The following BICD1 variants were observed in gnomAD, a reference collection of about 807,000 sequenced individuals.
BICD1 encodes the protein BICD cargo adaptor 1, also known as protein bicaudal D homolog 1.
A neutral mutation model predicts 92.5 loss-of-function variants in BICD1; 35 were observed. The observed-to-expected ratio is 0.38, with a 90% CI of 0.29 to 0.50. The LOEUF (loss-of-function observed/expected upper bound fraction) is 0.50. BICD1 is among the 20% of genes least tolerant of loss of function. The pLI is 0.93. For missense variants in BICD1, 950 were observed against 1,189.8 expected (o/e 0.80, Z 2.97); for synonymous variants, 429 against 465.1 (o/e 0.92, Z 1.00).
rs573152708 is a variant in BICD1 at position 32,165,315 on chromosome 12, A to C, written c.214-50932A>C. 2.9e-3 allele frequency among the ~76,000 whole-genome samples: 444 copies of C among 152,206 alleles called. 1 individual carries two copies. Among genetic ancestry groups the C allele is most frequent in the Middle Eastern group, 0.01 (3 of 294 alleles). ...CGGATCACGAGGTCAGGAGATTGAG[A>C]CCATCCTGGCTAACACGGTGAAACA... On this transcript the variant is annotated intron_variant, in intron 1 of 9. Coordinates refer to ENST00000652176, the MANE Select transcript of BICD1 (RefSeq NM_001714.4).
At chr12:32,205,798 G>C (rs994897836) in intron 1 of BICD1, among the ~76,000 whole-genome samples, 1 of 151,008 alleles carries the variant, frequency 6.6e-6, no homozygotes, top group Non-Finnish European at 1.5e-5. Flanking sequence ...ACTCTCTAAA[G>C]TATTTTCTCA....
At chr12:32,164,592 T>C (rs1420844468) in intron 1 of BICD1, among the ~76,000 whole-genome samples, 2 of 152,216 alleles carry the variant, frequency 1.3e-5, no homozygotes, top group Non-Finnish European at 2.9e-5. Context: ...AACTTTATGG[T>C]ATTTGTTATG....
At chr12:32,277,788 G>A (rs756161953) in intron 2 of BICD1, among the ~76,000 whole-genome samples, 8 of 151,966 alleles carry the variant, frequency 5.3e-5, no homozygotes, top group Admixed American at 2.6e-4. Context: ...CTTTCCTTTC[G>A]GATGATGCTC....
At chr12:32,118,633 G>A (rs1204423625) in intron 1 of BICD1, among the ~76,000 whole-genome samples, 1 of 152,176 alleles carries the variant, frequency 6.6e-6, no homozygotes, top group Non-Finnish European at 1.5e-5. Context: ...GAGGATGTGT[G>A]TAGGTTACAT....
intron 2 of BICD1, among the ~76,000 whole-genome samples, chr12:32,223,411 G>A (rs545364595): frequency 4.6e-5 from 7 of 152,110 alleles, no homozygotes; most frequent in African/African-American, 1.2e-4. Flanking sequence ...CCAGCTACTC[G>A]GGAGGCTGAG....
chr12:32,248,482 AAAG>A (rs2136099269), intron 2 of BICD1, among the ~76,000 whole-genome samples: 1 of 152,320 alleles, frequency 6.6e-6, no homozygotes, highest in African/African-American at 2.4e-5. Flanking sequence ...GATGATCCTT[AAAG>A]AAGGAGAAAT....
Position 32,257,529 on chromosome 12 carries a change from T to G in BICD1, c.427-36465T>G, listed in dbSNP as rs976115508. Among the ~76,000 whole-genome samples, 5 of 152,238 alleles carry G rather than the reference T, an allele frequency of 3.3e-5. No individual in the cohort carries two copies. In the East Asian group the frequency reaches 7.7e-4, roughly 24 times the overall value. On this transcript the variant is annotated intron_variant, in intron 2 of 9. Transcript: ENST00000652176. ...GGTAGTCAACAGGAACTCTCAAACA[T>G]TGAGAGTAGGCATGTAATTTGGTAC... is the stretch of plus-strand genomic sequence containing the variant.
At chr12:32,124,122 T>C (rs1183638762) in intron 1 of BICD1, among the ~76,000 whole-genome samples, 4 of 152,214 alleles carry the variant, frequency 2.6e-5, no homozygotes, top group African/African-American at 9.6e-5. Flanking sequence ...CTCAACATTG[T>C]ATTACTGGTT....
chr12:32,283,471 G>A (rs1276203571), intron 2 of BICD1, among the ~76,000 whole-genome samples: 1 of 152,122 alleles, frequency 6.6e-6, no homozygotes, highest in Non-Finnish European at 1.5e-5. Flanking sequence ...CCTCAGCTAT[G>A]AGCATGCATA....
intron 1 of BICD1, among the ~76,000 whole-genome samples, chr12:32,186,734 AT>A (rs550997552): frequency 6.6e-4 from 100 of 152,206 alleles, no homozygotes; most frequent in African/African-American, 2.0e-3. Context: ...TCATTTCTGA[AT>A]TTTTTTCATC....
chr12:32,272,915 A>G (rs1356393790), intron 2 of BICD1, among the ~76,000 whole-genome samples: 1 of 152,218 alleles, frequency 6.6e-6, no homozygotes, highest in African/African-American at 2.4e-5. Flanking sequence ...GTATAAAAGA[A>G]AGAAAAGAAA....
intron 2 of BICD1, among the ~76,000 whole-genome samples, chr12:32,224,218 T>C (rs1300371655): frequency 6.6e-6 from 1 of 151,826 alleles, no homozygotes; most frequent in African/African-American, 2.4e-5. Flanking sequence ...TGTTCCTGTC[T>C]CTCTTCTCCT....
chr12:32,365,101 G>A (rs894525786), intron 8 of BICD1, among the ~76,000 whole-genome samples: 1 of 152,180 alleles, frequency 6.6e-6, no homozygotes, highest in Admixed American at 6.5e-5. Context: ...GCTGGGCGTG[G>A]TGGCGCACGC....
At position 32,329,931 on chromosome 12, in the gene BICD1, ATGT is replaced by A. The variant is rs551696161; in HGVS notation, c.2100+1379_2100+1381del. The stretch of plus-strand genomic sequence containing the variant: ...CATATTTGAGAAAGGTGCTGAATAA[ATGT>A]TGGTGTTGATAAAGAGAAGCAACAA... On this transcript the variant is annotated intron_variant, in intron 5 of 9. Coordinates refer to ENST00000652176, the MANE Select transcript of BICD1 (RefSeq NM_001714.4). Among the ~76,000 whole-genome samples the A allele has an allele frequency of 1.6e-3, 247 of 152,316 alleles. 2 individuals are homozygous for A. The highest frequency in any genetic ancestry group is 5.5e-3 in the African/African-American group (230 of 41,576).
At chr12:32,368,856 A>G (rs1939624745) in intron 9 of BICD1, among the ~76,000 whole-genome samples, 1 of 152,082 alleles carries the variant, frequency 6.6e-6, no homozygotes, top group Admixed American at 6.6e-5. Context: ...TTGTGGTTAC[A>G]GTGAGTAAAA....
intron 5 of BICD1, among the ~76,000 whole-genome samples, chr12:32,329,705 G>T (rs1233340341): frequency 6.6e-6 from 1 of 152,150 alleles, no homozygotes; most frequent in East Asian, 1.9e-4. Flanking sequence ...TAAGTAATAG[G>T]GAGCTTTTCC....
intron 1 of BICD1, among the ~76,000 whole-genome samples, chr12:32,194,967 C>T (rs771929927): frequency 1.3e-5 from 2 of 151,590 alleles, no homozygotes; most frequent in Non-Finnish European, 2.9e-5. Context: ...ACATTGAAAA[C>T]TGTAAAATAT....
chr12:32,316,688 CT>C lies in BICD1; in HGVS notation c.1005+10576del, dbSNP rs926635143. Among the ~76,000 whole-genome samples the C allele has an allele frequency of 1.6e-4, 24 of 149,130 alleles. 1 individual carries two copies. Among genetic ancestry groups the C allele is most frequent in the East Asian group, 7.9e-4 (4 of 5,084 alleles). ...GAGCATCTGTATACATTTTGCACTT[CT>C]TTTTTTTTTCTTTTTTTAAAATTTT... On this transcript the variant is annotated intron_variant, in intron 4 of 9. Transcript: ENST00000652176.
intron 2 of BICD1, among the ~76,000 whole-genome samples, chr12:32,282,187 G>A (rs889642472): frequency 1.5e-5 from 2 of 137,832 alleles, no homozygotes; most frequent in African/African-American, 5.4e-5. Flanking sequence ...GCAAGACCCA[G>A]CTTCAGGTCT....
Sources: allele counts gnomAD v4.1 joint callset (sites outside exome capture counted in the v4.1 genomes callset), GRCh38; gene constraint gnomAD v4.1.1; transcripts MANE v1.5; gene names NCBI Gene and HGNC (gene_info 2026-07-23, HGNC 2026-07-21).